The following ZDHHC15 variants were observed in gnomAD, a reference collection of about 807,000 sequenced individuals.
ZDHHC15 encodes the protein palmitoyltransferase ZDHHC15.
Under a neutral mutation model 31.7 loss-of-function variants are expected in ZDHHC15, and 19 were observed. That is an observed-to-expected ratio of 0.60 (90% CI 0.42 to 0.88). ZDHHC15 has a LOEUF of 0.88. ZDHHC15 is among the 40% of genes least tolerant of loss of function. The pLI, the probability that ZDHHC15 is intolerant of heterozygous loss-of-function variation, is 0.00. For missense variants in ZDHHC15, 209 were observed against 251.2 expected (o/e 0.83, Z 1.14); for synonymous variants, 103 against 90.0 (o/e 1.14, Z -0.82).
chrX:75,377,356 G>A (rs2083070811), intron 11 of ZDHHC15, among the ~76,000 whole-genome samples: 3 of 110,051 alleles, frequency 2.7e-5, no homozygotes, highest in Non-Finnish European at 5.7e-5. Context: ...AAGCAGCCGG[G>A]CGTGGTGGCA....
At chrX:75,414,011 GAATTA>G (rs1482234584) in intron 10 of ZDHHC15, among the ~76,000 whole-genome samples, 2 of 111,686 alleles carry the variant, frequency 1.8e-5, no homozygotes, top group Non-Finnish European at 3.8e-5. Context: ...AGAGCAGAAA[GAATTA>G]TACTGTAATC....
chrX:75,426,653 A>T (rs2083717149), intron 7 of ZDHHC15, among the ~76,000 whole-genome samples: 1 of 111,550 alleles, frequency 9.0e-6, no homozygotes, highest in Non-Finnish European at 1.9e-5. Flanking sequence ...ACTATTTTTT[A>T]CATAAGGAAA....
At position 75,394,213 on chromosome X, in the gene ZDHHC15, C is replaced by A. The variant is rs753017004; in HGVS notation, c.968-15015G>T. 1.6e-4 allele frequency among the ~76,000 whole-genome samples: 18 copies of A among 110,788 alleles called. No homozygotes were observed. In the South Asian group the frequency reaches 6.5e-3, roughly 40 times the overall value. ...CATATTACAGATACACAAAAAATAA[C>A]AAGCAAGAAATTAAAACATACCACA... On this transcript the variant is annotated intron_variant, in intron 10 of 11. Coordinates refer to ENST00000373367, the MANE Select transcript of ZDHHC15 (RefSeq NM_144969.3).
chrX:75,491,830 C>A (rs970206772), intron 2 of ZDHHC15, among the ~76,000 whole-genome samples: 1 of 111,137 alleles, frequency 9.0e-6, no homozygotes, highest in Non-Finnish European at 1.9e-5. Flanking sequence ...CCAGCCACTG[C>A]AAAAACATGC....
At chrX:75,430,939 T>C (rs1380817753) in intron 5 of ZDHHC15, among the ~76,000 whole-genome samples, 1 of 111,216 alleles carries the variant, frequency 9.0e-6, no homozygotes, top group African/African-American at 3.3e-5. Context: ...GTCAAGGTTA[T>C]CAAAAACAAG....
chrX:75,493,695 C>A (rs1008033393), intron 2 of ZDHHC15, among the ~76,000 whole-genome samples: 3 of 112,028 alleles, frequency 2.7e-5, no homozygotes, highest in South Asian at 7.5e-4. Flanking sequence ...ATGATTATCT[C>A]AATAGTTGCA....
chrX:75,513,369 C>T (rs1027381375), intron 1 of ZDHHC15, among the ~76,000 whole-genome samples: 3 of 111,903 alleles, frequency 2.7e-5, no homozygotes, highest in African/African-American at 9.7e-5. Context: ...TCCTCAAAAG[C>T]AACTAATGAG....
chrX:75,485,907 G>C (rs755454907), intron 2 of ZDHHC15, among the ~76,000 whole-genome samples: 35 of 111,812 alleles, frequency 3.1e-4, no homozygotes, highest in Non-Finnish European at 6.0e-4. Context: ...GATCATTAAT[G>C]GTTAAATAGA....
chrX:75,478,636 C>T (rs2084642261), intron 3 of ZDHHC15, among the ~76,000 whole-genome samples: 1 of 111,488 alleles, frequency 9.0e-6, no homozygotes, highest in Non-Finnish European at 1.9e-5. Flanking sequence ...ACCTCAGCCT[C>T]CAAAATTGTT....
intron 4 of ZDHHC15, among the ~76,000 whole-genome samples, chrX:75,433,837 C>A (rs1451371964): frequency 3.6e-5 from 4 of 110,506 alleles, no homozygotes; most frequent in Non-Finnish European, 7.6e-5. Flanking sequence ...ATAATGACTT[C>A]TTTTGCTCTG....
At chrX:75,483,091 A>G (rs1399721200) in intron 2 of ZDHHC15, among the ~76,000 whole-genome samples, 1 of 106,425 alleles carries the variant, frequency 9.4e-6, no homozygotes, top group African/African-American at 3.4e-5. Flanking sequence ...GTATATATAT[A>G]TATATATATA....
In ZDHHC15 at chrX:75,505,796, A is replaced by G. The variant is rs200041316; in HGVS notation, c.163+25T>C. 3.3e-6 allele frequency: 4 copies of G among 1,206,500 alleles called. No individual in the cohort carries two copies. In the African/African-American group the frequency reaches 7.0e-5, roughly 21 times the overall value. On this transcript the variant is annotated intron_variant, in intron 2 of 11. Transcript: ENST00000373367. ...TGAAAAAAAGGACACGGTCCTGATCAATACAATTTCCAACATCATCTTACC... is the reference window on the plus strand; with the variant it reads ...TGAAAAAAAGGACACGGTCCTGATCGATACAATTTCCAACATCATCTTACC...
chrX:75,447,486 C>A (rs1320118423), intron 4 of ZDHHC15, among the ~76,000 whole-genome samples: 1 of 112,166 alleles, frequency 8.9e-6, no homozygotes, highest in Non-Finnish European at 1.9e-5. Context: ...CGTTCCCCAT[C>A]ATCCTGAAGC....
At chrX:75,384,275 T>C (rs1261271734) in intron 10 of ZDHHC15, 2 of 543,176 alleles carry the variant, frequency 3.7e-6, no homozygotes, top group South Asian at 2.4e-5. Flanking sequence ...CCAAGGTATC[T>C]TGAATTCCTA....
chrX:75,382,490 T>C (rs2083124694), intron 10 of ZDHHC15, among the ~76,000 whole-genome samples: 1 of 111,860 alleles, frequency 8.9e-6, no homozygotes, highest in Non-Finnish European at 1.9e-5. Flanking sequence ...GTGTTTGATG[T>C]TTTCAGAAAT....
At chrX:75,374,774 G>A (rs1163984726) in intron 11 of ZDHHC15, among the ~76,000 whole-genome samples, 2 of 109,202 alleles carry the variant, frequency 1.8e-5, no homozygotes, top group African/African-American at 6.7e-5. Context: ...AGCAACAAAG[G>A]TGAATCTCAA....
intron 2 of ZDHHC15, among the ~76,000 whole-genome samples, chrX:75,492,319 C>G (rs1400163446): frequency 9.0e-6 from 1 of 110,961 alleles, no homozygotes; most frequent in African/African-American, 3.3e-5. Flanking sequence ...TAGATTCCCA[C>G]ACAATAATAA....
intron 7 of ZDHHC15, among the ~76,000 whole-genome samples, chrX:75,427,764 A>G (rs1363435296): frequency 9.0e-6 from 1 of 111,667 alleles, no homozygotes; most frequent in Non-Finnish European, 1.9e-5. Context: ...AATTTATGAA[A>G]AAGTTTTACT....
At chrX:75,398,035 G>T (rs1036260209) in intron 10 of ZDHHC15, among the ~76,000 whole-genome samples, 17 of 112,126 alleles carry the variant, frequency 1.5e-4, no homozygotes, top group South Asian at 7.4e-4. Context: ...AAAGTGGGAG[G>T]TTAGACTCTT....
Sources: allele counts gnomAD v4.1 joint callset (sites outside exome capture counted in the v4.1 genomes callset), GRCh38; gene constraint gnomAD v4.1.1; transcripts MANE v1.5; gene names NCBI Gene and HGNC (gene_info 2026-07-23, HGNC 2026-07-21).